ARHGAP25: variants seen among roughly 807,000 people sequenced by gnomAD.
ARHGAP25 encodes rho GTPase-activating protein 25.
ARHGAP25 carries 34 observed loss-of-function variants against 71.0 expected under a neutral mutation model. The ratio of observed to expected loss-of-function variants is 0.48; its 90% CI spans 0.36 to 0.64. The LOEUF is 0.64. Ranked by LOEUF, ARHGAP25 falls within the 30% of genes least tolerant of loss-of-function variation. ARHGAP25 has a pLI of 0.00. For synonymous variants in ARHGAP25, 282 were observed against 296.5 expected (o/e 0.95, Z 0.50); for missense variants, 706 against 805.1 (o/e 0.88, Z 1.49).
At chr2:68,715,629 C>T (rs1378099173) in intron 2 of ARHGAP25, among the ~76,000 whole-genome samples, 1 of 152,162 alleles carries the variant, frequency 6.6e-6, no homozygotes, top group Non-Finnish European at 1.5e-5. Flanking sequence ...CTTGTGGACA[C>T]ACTGAGTGGA....
At chr2:68,820,755 C>T (rs1681590104) in intron 9 of ARHGAP25, among the ~76,000 whole-genome samples, 1 of 143,350 alleles carries the variant, frequency 7.0e-6, no homozygotes, top group Non-Finnish European at 1.5e-5. Context: ...TCCCTCACTG[C>T]CTTAGTTTCT....
At chr2:68,763,926 C>T (rs1573466804) in intron 1 of ARHGAP25, among the ~76,000 whole-genome samples, 1 of 152,162 alleles carries the variant, frequency 6.6e-6, no homozygotes, top group African/African-American at 2.4e-5. Context: ...TGTAAGTATA[C>T]AATTCAATGA....
At position 68,813,504 on chromosome 2, in the gene ARHGAP25, A is replaced by AG; in HGVS notation, c.807+89dup. The AG allele has an allele frequency of 2.0e-6, 3 of 1,476,624 alleles. No homozygotes were observed. The South Asian group carries it at 3.9e-5, about 19-fold the overall frequency. The allele number at this position is 1,476,624 out of a possible 1,614,324, so 91.5% of individuals were successfully genotyped here. A position where few individuals can be genotyped will look rare whatever the true frequency, so the allele number is the denominator to read the frequency against. ...TAATCCAGTAGGCAACAGTGGGTCA[A>AG]GGGGCCTGTACTTTTTGGTAAGATA... On this transcript the variant is annotated intron_variant, in intron 6 of 10. Transcript: ENST00000409202.
intron 4 of ARHGAP25, among the ~76,000 whole-genome samples, chr2:68,797,896 G>A (rs563152992): frequency 8.1e-4 from 124 of 152,298 alleles, no homozygotes; most frequent in Non-Finnish European, 1.5e-3. Flanking sequence ...TCCCATTTGG[G>A]GGATTCGCTC....
At chr2:68,796,674 G>C (rs539550572) in intron 4 of ARHGAP25, among the ~76,000 whole-genome samples, 2 of 152,250 alleles carry the variant, frequency 1.3e-5, no homozygotes, top group South Asian at 4.1e-4. Flanking sequence ...TACTTTTTCA[G>C]GTTTCAGTGG....
At chr2:68,733,929 A>C (rs1366966694), upstream of ARHGAP25, among the ~76,000 whole-genome samples, 1 of 152,222 alleles carries the variant, frequency 6.6e-6, no homozygotes, top group Non-Finnish European at 1.5e-5. Context: ...TCTACAGATA[A>C]GAATTGAAGC....
At chr2:68,808,398 A>C (rs1680532818) in intron 5 of ARHGAP25, among the ~76,000 whole-genome samples, 1 of 152,112 alleles carries the variant, frequency 6.6e-6, no homozygotes, top group East Asian at 1.9e-4. Flanking sequence ...TCTTGTGTAG[A>C]AGCTCCCTCA....
chr2:68,745,485 G>A (rs368118888), intron 1 of ARHGAP25, among the ~76,000 whole-genome samples: 2 of 152,068 alleles, frequency 1.3e-5, no homozygotes, highest in Admixed American at 6.5e-5. Flanking sequence ...ATCTACTACT[G>A]AATATGCACC....
chr2:68,819,331 A>T lies in ARHGAP25; in HGVS notation c.1200+12A>T, dbSNP rs1681465174. 1.2e-6 allele frequency: 2 copies of T among 1,612,844 alleles called. No individual in the cohort carries two copies. Among genetic ancestry groups the T allele is most frequent in the Non-Finnish European group, 1.7e-6 (2 of 1,178,934 alleles). ...GCTTCAGTAGCATGGTAAGGTGCAG[A>T]GAACCTTCCTGCTTCCATTGGGTTC... is the stretch of plus-strand genomic sequence containing the variant. On this transcript the variant is annotated intron_variant, in intron 9 of 10. Coordinates refer to ENST00000409202, the MANE Select transcript of ARHGAP25 (RefSeq NM_001007231.3).
chr2:68,718,974 A>G (rs548789305), intron 2 of ARHGAP25, among the ~76,000 whole-genome samples: 1 of 152,182 alleles, frequency 6.6e-6, no homozygotes, highest in Admixed American at 6.5e-5. Context: ...TACATGATGA[A>G]GCCTCCAAGA....
At position 68,775,654 on chromosome 2, in the gene ARHGAP25, G is replaced by A. The variant is rs552316656; in HGVS notation, c.261+234G>A. 130 of 677,990 alleles carry A rather than the reference G, an allele frequency of 1.9e-4. 1 individual carries two copies. Among genetic ancestry groups the A allele is most frequent in the African/African-American group, 1.8e-3 (105 of 56,904 alleles). 42.0% of individuals were successfully genotyped at this position (677,990 alleles called of 1,614,324 possible). Reference sequence around the variant, plus strand: ...GGGCACTGTGGAGTTTCCTACACATGGCTCTGAGTCAAGACTGGCAACAGG... The same window carrying A: ...GGGCACTGTGGAGTTTCCTACACATAGCTCTGAGTCAAGACTGGCAACAGG... On this transcript the variant is annotated intron_variant, in intron 2 of 10. Coordinates refer to ENST00000409202, the MANE Select transcript of ARHGAP25 (RefSeq NM_001007231.3).
chr2:68,739,553 G>A (rs1675409239), intron 1 of ARHGAP25, among the ~76,000 whole-genome samples: 1 of 152,190 alleles, frequency 6.6e-6, no homozygotes, highest in Admixed American at 6.5e-5. Flanking sequence ...TCACACACAA[G>A]GCAGCTTGAG....
chr2:68,799,298 C>A (rs994122231), intron 4 of ARHGAP25, among the ~76,000 whole-genome samples: 3 of 152,188 alleles, frequency 2.0e-5, no homozygotes, highest in Non-Finnish European at 4.4e-5. Context: ...CCTTGCCTGT[C>A]TCTCTGTAAT....
intron 4 of ARHGAP25, among the ~76,000 whole-genome samples, chr2:68,790,991 C>T (rs1287638551): frequency 6.6e-6 from 1 of 152,178 alleles, no homozygotes; most frequent in Non-Finnish European, 1.5e-5. Flanking sequence ...TACCCGTGTT[C>T]CTGCCTCCAG....
At chr2:68,765,666 C>T (rs4854451) in intron 1 of ARHGAP25, among the ~76,000 whole-genome samples, 37,064 of 152,100 alleles carry the variant, frequency 0.24, 5,212 homozygotes, top group African/African-American at 0.39. Flanking sequence ...GTCCTGATCA[C>T]GCCTAACAAA....
At chr2:68,720,696 G>T (rs979346562) in intron 2 of ARHGAP25, among the ~76,000 whole-genome samples, 2 of 152,092 alleles carry the variant, frequency 1.3e-5, no homozygotes, top group Non-Finnish European at 2.9e-5. Context: ...AACTGAAATC[G>T]ATTTTTATCT....
At chr2:68,730,134 C>T (rs1366044376), upstream of ARHGAP25, among the ~76,000 whole-genome samples, 1 of 152,062 alleles carries the variant, frequency 6.6e-6, no homozygotes, top group Non-Finnish European at 1.5e-5. Flanking sequence ...ACAGCATATG[C>T]ACCATTTAAA....
intron 9 of ARHGAP25, chr2:68,819,784 G>A (rs937783997): frequency 1.7e-4 from 56 of 336,322 alleles, no homozygotes; most frequent in African/African-American, 1.1e-3. Flanking sequence ...TCGATAAGCC[G>A]TCTCAGCCAT....
intron 7 of ARHGAP25, among the ~76,000 whole-genome samples, 200 bp from the exon 8 acceptor site, chr2:68,817,673 G>T (rs1415726171): frequency 2.6e-5 from 4 of 152,150 alleles, no homozygotes; most frequent in Non-Finnish European, 5.9e-5. Context: ...AGCTGGGCAG[G>T]ACCCTCCTGA....
Sources: gnomAD v4.1 joint callset for allele counts (sites outside exome capture counted in the v4.1 genomes callset) on GRCh38, gnomAD v4.1.1 for gene constraint, MANE v1.5 for transcripts, NCBI Gene and HGNC (gene_info 2026-07-23, HGNC 2026-07-21) for gene names.